Variants in CAP2 observed in about 807,000 individuals in gnomAD.
CAP2 encodes cyclase associated actin cytoskeleton regulatory protein 2, also known as adenylyl cyclase-associated protein 2.
A neutral mutation model predicts 57.7 loss-of-function variants in CAP2; 24 were observed. The observed-to-expected ratio is 0.42, with a 90% CI of 0.30 to 0.58. The LOEUF (loss-of-function observed/expected upper bound fraction) is 0.58. Ranked by LOEUF, CAP2 falls within the 20% of genes least tolerant of loss-of-function variation. CAP2 has a pLI of 0.22. For synonymous variants in CAP2, 194 were observed against 207.2 expected, an observed-to-expected ratio of 0.94 and a Z score of 0.55; for missense variants, 501 against 590.3, an observed-to-expected ratio of 0.85 and a Z score of 1.57.
intron 1 of CAP2, among the ~76,000 whole-genome samples, chr6:17,408,278 GAGA>G (rs1759041214): frequency 6.6e-6 from 1 of 152,178 alleles, no homozygotes; most frequent in East Asian, 1.9e-4. Flanking sequence ...TACACGGCGA[GAGA>G]AGAAGCAGGA....
chr6:17,413,302 A>G lies in CAP2; in HGVS notation c.-1-8253A>G, dbSNP rs1195569904. Among the ~76,000 whole-genome samples, 6 of 152,180 alleles carry G rather than the reference A, an allele frequency of 3.9e-5. No individual in the cohort carries two copies. In the East Asian group the frequency reaches 1.2e-3, roughly 29 times the overall value. ...CTCAAAAATCAGAGACTCTTGAAAC[A>G]TCTTTGCAATAAAAAGAAAATGGTG... On this transcript the variant is annotated intron_variant, in intron 1 of 12. Transcript: ENST00000229922.
intron 4 of CAP2, among the ~76,000 whole-genome samples, chr6:17,494,138 C>T (rs1228764977): frequency 9.2e-5 from 14 of 152,172 alleles, no homozygotes; most frequent in Admixed American, 9.2e-4. Context: ...CCTAGTTCTG[C>T]GTTTACCCTC....
intron 3 of CAP2, among the ~76,000 whole-genome samples, chr6:17,448,380 A>G (rs963907242): frequency 1.3e-5 from 2 of 152,252 alleles, no homozygotes; most frequent in African/African-American, 4.8e-5. Context: ...GAGAGGAGCC[A>G]ATCTGCCAAG....
chr6:17,529,109 A>G (rs1762576704), intron 7 of CAP2, among the ~76,000 whole-genome samples: 1 of 152,232 alleles, frequency 6.6e-6, no homozygotes, highest in African/African-American at 2.4e-5. Context: ...TGGAGACAAA[A>G]GTCATAAATT....
intron 4 of CAP2, among the ~76,000 whole-genome samples, chr6:17,464,002 G>T (rs1287258384): frequency 6.6e-6 from 1 of 152,134 alleles, no homozygotes; most frequent in African/African-American, 2.4e-5. Context: ...CAAATTAATG[G>T]TTGGCGGAGG....
intron 7 of CAP2, among the ~76,000 whole-genome samples, chr6:17,516,458 G>C (rs1762275742): frequency 6.6e-6 from 1 of 152,142 alleles, no homozygotes; most frequent in Admixed American, 6.6e-5. Flanking sequence ...AGGGACTTGA[G>C]GGAAAGGTTG....
intron 1 of CAP2, among the ~76,000 whole-genome samples, chr6:17,406,830 A>T (rs771972663): frequency 6.6e-6 from 1 of 152,108 alleles, no homozygotes; most frequent in African/African-American, 2.4e-5. Flanking sequence ...ACACTCTTCT[A>T]TTAGCCAGGG....
chr6:17,541,981 G>T (rs1762914204), intron 9 of CAP2, among the ~76,000 whole-genome samples: 1 of 152,164 alleles, frequency 6.6e-6, no homozygotes, highest in Admixed American at 6.5e-5. Context: ...GTCCAGCTCA[G>T]TGGCATTAAG....
intron 2 of CAP2, among the ~76,000 whole-genome samples, chr6:17,426,086 C>T (rs1166512318): frequency 6.6e-6 from 1 of 151,870 alleles, no homozygotes; most frequent in Non-Finnish European, 1.5e-5. Context: ...CAGTGAGACC[C>T]TGTCTCAAAA....
intron 7 of CAP2, among the ~76,000 whole-genome samples, chr6:17,520,887 G>A (rs1204504260): frequency 2.0e-5 from 3 of 152,190 alleles, no homozygotes; most frequent in African/African-American, 4.8e-5. Flanking sequence ...CACCTTAGGG[G>A]TATTAATCAA....
chr6:17,409,201 A>G lies in CAP2; in HGVS notation c.-1-12354A>G, dbSNP rs1318145643. On this transcript the variant is annotated intron_variant, in intron 1 of 12. Transcript: ENST00000229922. Reference sequence around the variant, plus strand: ...AGCCTGGCCAACATGGTGAAACCCCATCTCTACTAAAAATACAAAAATTCA... The same window carrying G: ...AGCCTGGCCAACATGGTGAAACCCCGTCTCTACTAAAAATACAAAAATTCA... Among the ~76,000 whole-genome samples the G allele has an allele frequency of 4.6e-5, 7 of 151,510 alleles. No homozygotes were observed. The South Asian group carries it at 6.3e-4, about 14-fold the overall frequency.
chr6:17,508,755 CTT>C (rs10635657), intron 6 of CAP2, among the ~76,000 whole-genome samples: 1 of 145,004 alleles, frequency 6.9e-6, no homozygotes. Context: ...AATTCACCTT[CTT>C]TTTTTTTTTT....
chr6:17,416,579 G>T (rs577343899), intron 1 of CAP2, among the ~76,000 whole-genome samples: 2 of 152,260 alleles, frequency 1.3e-5, no homozygotes, highest in South Asian at 4.2e-4. Flanking sequence ...AAGTAAACCC[G>T]TGTATTTTTG....
chr6:17,426,733 T>C (rs1228130967), intron 3 of CAP2, 43 bp downstream of exon 3: 12 of 1,308,832 alleles, frequency 9.2e-6, no homozygotes, highest in Middle Eastern at 3.6e-4. Context: ...AGTTTAAACT[T>C]ACCAGCCCAG....
At chr6:17,474,937 C>T (rs1761111884) in intron 4 of CAP2, among the ~76,000 whole-genome samples, 1 of 152,088 alleles carries the variant, frequency 6.6e-6, no homozygotes, top group African/African-American at 2.4e-5. Flanking sequence ...TAACTCACAC[C>T]TGCAATCCCA....
At chr6:17,421,439 T>C (rs1759443069) in intron 1 of CAP2, 116 bp from the exon 2 acceptor site, 1 of 1,009,498 alleles carries the variant, frequency 9.9e-7, no homozygotes. Context: ...AAAATAAAAA[T>C]AAAGCCATCC....
At chr6:17,414,690 TTG>T (rs1759232895) in intron 1 of CAP2, among the ~76,000 whole-genome samples, 1 of 152,224 alleles carries the variant, frequency 6.6e-6, no homozygotes, top group South Asian at 2.1e-4. Flanking sequence ...GTCTTTGTTA[TTG>T]TAAATAGTGC....
rs1352771850 is a variant in CAP2 at position 17,398,469 on chromosome 6, G to A, written c.-2+4723G>A. ...CCTTAAAGTCAGAACAAACCATTAT[G>A]AGGAATTTTAAAATTACTTTTACTA... On this transcript the variant is annotated intron_variant, in intron 1 of 12. Transcript: ENST00000229922. Among the ~76,000 whole-genome samples, 5 of 152,094 alleles carry A rather than the reference G, an allele frequency of 3.3e-5. No individual in the cohort carries two copies. The East Asian group carries it at 7.7e-4, about 23-fold the overall frequency.
chr6:17,399,244 G>A (rs1357883993), intron 1 of CAP2, among the ~76,000 whole-genome samples: 1 of 152,010 alleles, frequency 6.6e-6, no homozygotes, highest in Non-Finnish European at 1.5e-5. Flanking sequence ...TATACTTTTA[G>A]TAGAGACAGG....
Sources: allele counts gnomAD v4.1 joint callset (sites outside exome capture counted in the v4.1 genomes callset), GRCh38; gene constraint gnomAD v4.1.1; transcripts MANE v1.5; gene names NCBI Gene and HGNC (gene_info 2026-07-23, HGNC 2026-07-21).